Variants in SPOCK1 observed in about 807,000 individuals in gnomAD.
SPOCK1 encodes SPARC (osteonectin), cwcv and kazal like domains proteoglycan 1, also known as testican-1.
A neutral mutation model predicts 55.3 loss-of-function variants in SPOCK1; 23 were observed. The observed-to-expected ratio is 0.42, with a 90% CI of 0.30 to 0.59. The LOEUF (loss-of-function observed/expected upper bound fraction) is 0.59. Ranked by LOEUF, SPOCK1 falls within the 20% of genes least tolerant of loss-of-function variation. SPOCK1 has a pLI of 0.22. For missense variants in SPOCK1, 499 were observed against 552.5 expected (o/e 0.90, Z 0.97); for synonymous variants, 226 against 221.0 (o/e 1.02, Z -0.20).
chr5:137,174,047 C>T (rs1035622476), intron 3 of SPOCK1, among the ~76,000 whole-genome samples: 3 of 152,220 alleles, frequency 2.0e-5, no homozygotes, highest in Non-Finnish European at 4.4e-5. Context: ...AATTCACAAG[C>T]ATCTGTGTCT....
At position 137,411,118 on chromosome 5, in the gene SPOCK1, G is replaced by T. The variant is rs150087720; in HGVS notation, c.186+87255C>A. 2.4e-3 allele frequency among the ~76,000 whole-genome samples: 369 copies of T among 152,214 alleles called. 1 individual carries two copies. The highest frequency in any genetic ancestry group is 3.9e-3 in the Non-Finnish European group (266 of 68,000). ...TACTGGGCCCCAATGAAAATACAGTGGGGAAAAGGACAGGTGCAGTCCCTG... is the reference window on the plus strand; with the variant it reads ...TACTGGGCCCCAATGAAAATACAGTTGGGAAAAGGACAGGTGCAGTCCCTG... On this transcript the variant is annotated intron_variant, in intron 2 of 10. Transcript: ENST00000394945.
At chr5:137,006,778 T>C (rs1423231122) in intron 6 of SPOCK1, among the ~76,000 whole-genome samples, 1 of 152,196 alleles carries the variant, frequency 6.6e-6, no homozygotes, top group Non-Finnish European at 1.5e-5. Flanking sequence ...CTTGTGCCAG[T>C]TTTCAAAGGG....
At chr5:137,211,332 C>T (rs1195585876) in intron 3 of SPOCK1, among the ~76,000 whole-genome samples, 1 of 152,124 alleles carries the variant, frequency 6.6e-6, no homozygotes, top group African/African-American at 2.4e-5. Context: ...GGCTTAGGTC[C>T]TACAACTACA....
chr5:137,160,558 T>TATATAATATATA (rs1754516025), intron 3 of SPOCK1, among the ~76,000 whole-genome samples: 2 of 57,288 alleles, frequency 3.5e-5, no homozygotes, highest in African/African-American at 1.6e-4. Flanking sequence ...TAATATATAT[T>TATATAATATATA]ATATATTATA....
At chr5:137,361,188 A>G (rs1750935839) in intron 2 of SPOCK1, among the ~76,000 whole-genome samples, 1 of 152,180 alleles carries the variant, frequency 6.6e-6, no homozygotes, top group African/African-American at 2.4e-5. Flanking sequence ...TGAATCTGCC[A>G]GCACCTTGAC....
chr5:137,203,820 G>A (rs2075409128), intron 3 of SPOCK1, among the ~76,000 whole-genome samples: 1 of 152,212 alleles, frequency 6.6e-6, no homozygotes, highest in South Asian at 2.1e-4. Flanking sequence ...CAGGAGCAAT[G>A]TCACTCTTGC....
chr5:137,299,643 T>C (rs1346684913), intron 2 of SPOCK1, among the ~76,000 whole-genome samples: 1 of 152,138 alleles, frequency 6.6e-6, no homozygotes, highest in Non-Finnish European at 1.5e-5. Flanking sequence ...TTTTGATGAA[T>C]ATTTTTGCAT....
At chr5:137,191,551 G>A (rs116409424) in intron 3 of SPOCK1, among the ~76,000 whole-genome samples, 2,517 of 152,214 alleles carry the variant, frequency 0.017, 42 homozygotes, top group Non-Finnish European at 0.024. Flanking sequence ...CAAAACCTTC[G>A]CATGAATCAT....
chr5:137,495,334 C>T (rs551795916), intron 2 of SPOCK1, among the ~76,000 whole-genome samples: 7 of 152,294 alleles, frequency 4.6e-5, no homozygotes, highest in African/African-American at 7.2e-5. Flanking sequence ...ATATGGAACA[C>T]GCACCCCACT....
At chr5:137,024,314 AG>A (rs10692964) in intron 6 of SPOCK1, among the ~76,000 whole-genome samples, 123 of 119,248 alleles carry the variant, frequency 1.0e-3, no homozygotes, top group East Asian at 3.5e-3. Flanking sequence ...ACCAGTTTGA[AG>A]GGGGGGGGGT....
Position 137,325,600 on chromosome 5 carries a change from C to T in SPOCK1, c.187-58545G>A, listed in dbSNP as rs1557777. Among the ~76,000 whole-genome samples, 205 of 152,340 alleles carry T rather than the reference C, an allele frequency of 1.3e-3. 2 individuals are homozygous for T. The highest frequency in any genetic ancestry group is 2.2e-3 in the Non-Finnish European group (147 of 68,024). ...ATCACTCAATGATTTATGAATCACC[C>T]ACTCTGTGCTGGACATAGCACTGCT... On this transcript the variant is annotated intron_variant, in intron 2 of 10. Coordinates refer to ENST00000394945, the MANE Select transcript of SPOCK1 (RefSeq NM_004598.4).
At chr5:137,176,732 C>T (rs1487781768) in intron 3 of SPOCK1, among the ~76,000 whole-genome samples, 1 of 152,108 alleles carries the variant, frequency 6.6e-6, no homozygotes, top group East Asian at 1.9e-4. Flanking sequence ...AGGCTGAAGG[C>T]TGGCATGGAT....
intron 2 of SPOCK1, among the ~76,000 whole-genome samples, chr5:137,297,396 G>A (rs1435926502): frequency 6.6e-6 from 1 of 152,052 alleles, no homozygotes; most frequent in Admixed American, 6.5e-5. Context: ...TGAAAAAATT[G>A]GGATTTTTGT....
chr5:137,194,518 C>A (rs998335528), intron 3 of SPOCK1, among the ~76,000 whole-genome samples: 5 of 152,106 alleles, frequency 3.3e-5, no homozygotes, highest in African/African-American at 1.2e-4. Flanking sequence ...GGCAAGAGCA[C>A]TGGTCTTTGC....
At position 136,992,499 on chromosome 5, in the gene SPOCK1, T is replaced by G; in HGVS notation, c.691A>C (p.Asn231His). The part of the protein sequence containing the change: ...ANRVIKPTSS[N>H]TAQGRFDTSI... ...ATGGTCTTACTGCCTTGGGCTGTGT[T>G]GGAGCTGGTGGGCTTGATGACTCTG... Residue 231 changes from asparagine to histidine, a missense_variant, in exon 7 of 11, where the codon AAC (asparagine) becomes CAC (histidine). Physicochemically the swap from Asn to His is moderately conservative, Grantham distance 68. Coordinates refer to ENST00000394945, the MANE Select transcript of SPOCK1 (RefSeq NM_004598.4). 1 of 1,613,088 alleles carries G rather than the reference T, an allele frequency of 6.2e-7. No homozygotes were observed.
chr5:137,475,314 G>A lies in SPOCK1; in HGVS notation c.186+23059C>T, dbSNP rs547219774. On this transcript the variant is annotated intron_variant, in intron 2 of 10. Transcript: ENST00000394945. ...CCCCCCTCGCCCCCAAATGGTAGCA[G>A]TACTCTTCTCTTTTCTAGACCAAAT... Among the ~76,000 whole-genome samples the A allele has an allele frequency of 2.0e-5, 3 of 152,088 alleles. No homozygotes were observed. In the East Asian group the frequency reaches 5.8e-4, roughly 29 times the overall value.
intron 4 of SPOCK1, among the ~76,000 whole-genome samples, chr5:137,130,193 C>A (rs1176370389): frequency 6.6e-6 from 1 of 152,154 alleles, no homozygotes; most frequent in Non-Finnish European, 1.5e-5. Flanking sequence ...ACTGTTCAAC[C>A]AATCTAAAGT....
At chr5:137,095,876 A>G (rs1753137105) in intron 5 of SPOCK1, among the ~76,000 whole-genome samples, 1 of 152,108 alleles carries the variant, frequency 6.6e-6, no homozygotes. Flanking sequence ...AAAACATGCA[A>G]TCAAGAAAAC....
intron 2 of SPOCK1, among the ~76,000 whole-genome samples, chr5:137,309,899 T>C (rs1251702491): frequency 6.6e-6 from 1 of 152,154 alleles, no homozygotes; most frequent in Admixed American, 6.5e-5. Flanking sequence ...GTCTGACATA[T>C]CACATGTCAT....
Sources: allele counts gnomAD v4.1 joint callset (sites outside exome capture counted in the v4.1 genomes callset), GRCh38; gene constraint gnomAD v4.1.1; transcripts MANE v1.5; gene names NCBI Gene and HGNC (gene_info 2026-07-23, HGNC 2026-07-21).